The following ENOX1 variants were observed in gnomAD, a reference collection of about 807,000 sequenced individuals.
ENOX1 encodes ecto-NOX disulfide-thiol exchanger 1.
A neutral mutation model predicts 82.5 loss-of-function variants in ENOX1; 42 were observed. That is an observed-to-expected ratio of 0.51 (90% confidence interval 0.40 to 0.66). The LOEUF is 0.66. Among genes scored for constraint, ENOX1 ranks in the 30% least tolerant of loss-of-function variants. ENOX1 has a pLI of 0.00. For synonymous variants in ENOX1, 271 were observed against 282.2 expected, an observed-to-expected ratio of 0.96 and a Z score of 0.40; for missense variants, 608 against 811.6, an observed-to-expected ratio of 0.75 and a Z score of 3.05.
At chr13:43,394,621 CA>C (rs1488487394) in intron 5 of ENOX1, 3 of 152,406 alleles carry the variant, frequency 2.0e-5, no homozygotes, top group Non-Finnish European at 2.9e-5. Context: ...CTGGCACGAA[CA>C]TCCCACCAAG....
chr13:43,248,762 T>A (rs189915262), intron 14 of ENOX1, among the ~76,000 whole-genome samples: 1 of 152,226 alleles, frequency 6.6e-6, no homozygotes, highest in African/African-American at 2.4e-5. Context: ...ACTGAAATTC[T>A]ACTACCAAGA....
intron 12 of ENOX1, among the ~76,000 whole-genome samples, chr13:43,285,717 A>C (rs1367150613): frequency 6.6e-6 from 1 of 150,540 alleles, no homozygotes; most frequent in Non-Finnish European, 1.5e-5. Flanking sequence ...AGGCAGGAGA[A>C]TAGAATAGCT....
chr13:43,575,136 G>A (rs867223023), intron 2 of ENOX1, among the ~76,000 whole-genome samples: 15 of 152,152 alleles, frequency 9.9e-5, no homozygotes, highest in African/African-American at 2.9e-4. Context: ...GGAGTGAATC[G>A]CTTGGCCCTT....
intron 16 of ENOX1, among the ~76,000 whole-genome samples, chr13:43,216,428 T>TATTG (rs1399930265): frequency 1.3e-5 from 2 of 152,222 alleles, no homozygotes; most frequent in Non-Finnish European, 2.9e-5. Context: ...GTGTATGGAA[T>TATTG]ATTGATAGAA....
chr13:43,652,454 T>A (rs535451122), intron 2 of ENOX1, among the ~76,000 whole-genome samples: 63 of 152,298 alleles, frequency 4.1e-4, no homozygotes, highest in Admixed American at 1.0e-3. Context: ...GTGCCACCAA[T>A]AAAACTTGTC....
In ENOX1 at chr13:43,699,689, C is replaced by T. The variant is rs113993258; in HGVS notation, c.-284-32145G>A. Among the ~76,000 whole-genome samples the T allele has an allele frequency of 1.7e-3, 257 of 152,242 alleles. 1 individual carries two copies. The highest frequency in any genetic ancestry group is 5.5e-3 in the African/African-American group (229 of 41,552). The stretch of plus-strand genomic sequence containing the variant: ...TTAGGGCTTGAAGTATATATTACTG[C>T]TAAAGAGTGAAAACTGGTTAATACT... On this transcript the variant is annotated intron_variant, in intron 1 of 16. Transcript: ENST00000690772.
At chr13:43,645,624 A>G (rs530063987) in intron 2 of ENOX1, among the ~76,000 whole-genome samples, 1 of 152,228 alleles carries the variant, frequency 6.6e-6, no homozygotes, top group Non-Finnish European at 1.5e-5. Flanking sequence ...TTAATCACCA[A>G]TTCATTGGAA....
At chr13:43,309,732 A>T (rs1334562635) in intron 11 of ENOX1, among the ~76,000 whole-genome samples, 2 of 152,176 alleles carry the variant, frequency 1.3e-5, no homozygotes, top group Non-Finnish European at 2.9e-5. Context: ...AATTACAGCA[A>T]TTTTTCCCTG....
rs1385979686 is a variant in ENOX1 at position 43,213,768 on chromosome 13, G to C, written c.*222C>G. 9.1e-6 allele frequency: 3 copies of C among 330,572 alleles called. No individual in the cohort carries two copies. The highest frequency in any genetic ancestry group is 1.6e-5 in the Non-Finnish European group (3 of 183,722). The allele number at this position is 330,572 out of a possible 1,614,324, so 20.5% of individuals were successfully genotyped here. The stretch of plus-strand genomic sequence containing the variant: ...GTGGAATCATTGTTTGGTTTTCATA[G>C]GAAACAGATCTGTCACAGTATGAAG... On this transcript the variant is annotated 3_prime_UTR_variant, in exon 17 of 17. Coordinates refer to ENST00000690772, the MANE Select transcript of ENOX1 (RefSeq NM_001347969.2).
intron 5 of ENOX1, among the ~76,000 whole-genome samples, chr13:43,378,300 T>G (rs908108226): frequency 6.6e-6 from 1 of 152,168 alleles, no homozygotes; most frequent in African/African-American, 2.4e-5. Context: ...AAGAAATAGT[T>G]GGTAGTTTAG....
intron 5 of ENOX1, among the ~76,000 whole-genome samples, chr13:43,388,819 C>T (rs1024804276): frequency 7.9e-5 from 12 of 152,090 alleles, no homozygotes; most frequent in African/African-American, 2.7e-4. Flanking sequence ...AGGAAGGTGT[C>T]TCTGAATCAT....
chr13:43,273,978 T>A (rs911671443), intron 12 of ENOX1, among the ~76,000 whole-genome samples: 1 of 152,108 alleles, frequency 6.6e-6, no homozygotes, highest in Non-Finnish European at 1.5e-5. Flanking sequence ...TTTCCCCACT[T>A]CTATGGGATT....
chr13:43,684,797 A>G (rs1189665231), intron 1 of ENOX1, among the ~76,000 whole-genome samples: 2 of 152,200 alleles, frequency 1.3e-5, no homozygotes, highest in East Asian at 3.8e-4. Context: ...ATAGTCAACC[A>G]TAGACAGCGA....
intron 9 of ENOX1, 56 bp downstream of exon 9, chr13:43,344,482 T>A: frequency 2.1e-6 from 3 of 1,443,962 alleles, no homozygotes; most frequent in Non-Finnish European, 1.9e-6. Flanking sequence ...GTAAAATTAA[T>A]AAAAAAGAAA....
intron 1 of ENOX1, among the ~76,000 whole-genome samples, chr13:43,712,742 A>G (rs951405565): frequency 1.3e-5 from 2 of 152,172 alleles, no homozygotes; most frequent in African/African-American, 4.8e-5. Context: ...AAGAATGCTT[A>G]TGATTTTTGT....
intron 2 of ENOX1, among the ~76,000 whole-genome samples, chr13:43,568,309 T>C (rs796449341): frequency 4.6e-5 from 7 of 152,268 alleles, no homozygotes; most frequent in African/African-American, 1.4e-4. Flanking sequence ...ACGAGACACA[T>C]TGCCCACAGA....
intron 2 of ENOX1, among the ~76,000 whole-genome samples, chr13:43,653,669 C>T (rs1018734750): frequency 1.3e-5 from 2 of 152,098 alleles, no homozygotes; most frequent in Non-Finnish European, 2.9e-5. Context: ...CCCCATATCC[C>T]CTGTGACTGT....
chr13:43,297,343 G>A (rs1002857407), intron 12 of ENOX1, among the ~76,000 whole-genome samples: 1 of 151,942 alleles, frequency 6.6e-6, no homozygotes, highest in Non-Finnish European at 1.5e-5. Context: ...AATATGGATG[G>A]GGGAATTAAA....
intron 3 of ENOX1, among the ~76,000 whole-genome samples, chr13:43,448,390 C>T (rs1168042318): frequency 2.6e-5 from 4 of 152,142 alleles, no homozygotes; most frequent in Admixed American, 6.5e-5. Context: ...AAACTTCAAA[C>T]GGCAAATAAA....
Sources: allele counts gnomAD v4.1 joint callset (sites outside exome capture counted in the v4.1 genomes callset), GRCh38; gene constraint gnomAD v4.1.1; transcripts MANE v1.5; gene names NCBI Gene and HGNC (gene_info 2026-07-23, HGNC 2026-07-21).